Variants in GRIK5 observed in about 807,000 individuals in gnomAD.
The protein encoded by GRIK5 is glutamate receptor ionotropic, kainate 5.
In GRIK5, 43 loss-of-function variants were observed where a neutral mutation model predicts 97.4. The observed-to-expected ratio is 0.44, with a 90% CI of 0.35 to 0.57. GRIK5 has a LOEUF of 0.57. Among genes scored for constraint, GRIK5 ranks in the 20% least tolerant of loss-of-function variants. The probability of loss-of-function intolerance (pLI) is 0.01; values close to 1 mark genes in which losing one functional copy is unlikely to be tolerated. For missense variants in GRIK5, 1,015 were observed against 1,382.0 expected, an observed-to-expected ratio of 0.73 and a Z score of 4.21; for synonymous variants, 580 against 583.5, an observed-to-expected ratio of 0.99 and a Z score of 0.09.
chr19:42,016,301 A>G (rs1213350458), intron 15 of GRIK5, among the ~76,000 whole-genome samples: 2 of 152,102 alleles, frequency 1.3e-5, no homozygotes, highest in African/African-American at 4.8e-5. Context: ...GGCACCTGTA[A>G]TCCCAGCTAC....
chr19:42,028,624 C>A (rs964950015), intron 12 of GRIK5, among the ~76,000 whole-genome samples: 6 of 152,270 alleles, frequency 3.9e-5, no homozygotes, highest in Admixed American at 3.9e-4. Context: ...CACCTCTCCC[C>A]AGGGTCTGAC....
At position 42,002,619 on chromosome 19, in the gene GRIK5, G is replaced by A. The variant is rs535750788; in HGVS notation, c.2514+713C>T. ...AAGGGCTGGAGGCTGACAGAGAGAGGGGAAGCAGGGAACCAGCAGTCCAGG... is the reference window on the plus strand; with the variant it reads ...AAGGGCTGGAGGCTGACAGAGAGAGAGGAAGCAGGGAACCAGCAGTCCAGG... On this transcript the variant is annotated intron_variant, in intron 19 of 19. Transcript: ENST00000593562. This position sits in a 1 kb window ranked among gnomAD's most constrained non-coding sequence, Gnocchi z 5.2. The A allele has an allele frequency of 9.6e-6, 6 of 626,766 alleles. No individual in the cohort carries two copies. Among genetic ancestry groups the A allele is most frequent in the Admixed American group, 2.8e-5 (1 of 36,032 alleles). The allele number at this position is 626,766 out of a possible 1,614,324, so 38.8% of individuals were successfully genotyped here.
rs558657790 is a variant in GRIK5 at position 42,005,626 on chromosome 19, G to T, written c.2263+97C>A. 1.5e-5 allele frequency: 12 copies of T among 791,038 alleles called. No individual in the cohort carries two copies. The African/African-American group carries it at 1.7e-4, about 11-fold the overall frequency. 49.0% of individuals were successfully genotyped at this position (791,038 alleles called of 1,614,324 possible). A position where few individuals can be genotyped will look rare whatever the true frequency, so the allele number is the denominator to read the frequency against. On this transcript the variant is annotated intron_variant, in intron 17 of 19. Transcript: ENST00000593562. The stretch of plus-strand genomic sequence containing the variant: ...CAGGAGGCCACATGCAACACACCCA[G>T]CCTGCCTCGGGGGTGCCTGGCCCGG...
At chr19:42,067,344 T>A (rs1335514779) in intron 1 of GRIK5, among the ~76,000 whole-genome samples, 1 of 152,204 alleles carries the variant, frequency 6.6e-6, no homozygotes, top group Non-Finnish European at 1.5e-5. Flanking sequence ...CCTGACTCAC[T>A]GCGTGATCTT....
chr19:42,065,551 TG>T lies in GRIK5; in HGVS notation c.79+140del. ...GCTAGGGGTCTGGACTCCTGGGTCCTGGGGGAAGGAGGAACTGGAGGCTGGG... is the reference window on the plus strand; with the variant it reads ...GCTAGGGGTCTGGACTCCTGGGTCCTGGGGAAGGAGGAACTGGAGGCTGGG... On this transcript the variant is annotated intron_variant, in intron 2 of 19. Transcript: ENST00000593562. The surrounding 1 kb of genome is among the most constrained non-coding windows in gnomAD (Gnocchi z 5.8). 2.0e-6 allele frequency: 2 copies of T among 981,962 alleles called. No homozygotes were observed. The highest frequency in any genetic ancestry group is 6.1e-4 in the Middle Eastern group (2 of 3,258). The allele number at this position is 981,962 out of a possible 1,614,324, so 60.8% of individuals were successfully genotyped here.
chr19:42,062,187 A>G lies in GRIK5; in HGVS notation c.508+301T>C, dbSNP rs991220018. On this transcript the variant is annotated intron_variant, in intron 5 of 19. Coordinates refer to ENST00000593562, the MANE Select transcript of GRIK5 (RefSeq NM_002088.5). The surrounding 1 kb of genome is among the most constrained non-coding windows in gnomAD (Gnocchi z 5.3). ...ATACCACTCTGTATCACAACAGCTCAATGACCAATGACCTCCACTAGAACC... is the reference window on the plus strand; with the variant it reads ...ATACCACTCTGTATCACAACAGCTCGATGACCAATGACCTCCACTAGAACC... Among the ~76,000 whole-genome samples, 2 of 152,160 alleles carry G rather than the reference A, an allele frequency of 1.3e-5. No individual in the cohort carries two copies. The highest frequency in any genetic ancestry group is 4.8e-5 in the African/African-American group (2 of 41,438).
rs1054424538 is a variant in GRIK5, at chr19:42,022,388, G to A, written c.1474-34C>T. 1 of 1,575,392 alleles carries A rather than the reference G, an allele frequency of 6.3e-7. No individual in the cohort carries two copies. The highest frequency in any genetic ancestry group is 1.3e-5 in the African/African-American group (1 of 74,260). On this transcript the variant is annotated intron_variant, in intron 12 of 19. Coordinates refer to ENST00000593562, the MANE Select transcript of GRIK5 (RefSeq NM_002088.5). This position sits in a 1 kb window ranked among gnomAD's most constrained non-coding sequence, Gnocchi z 4.2. ...GGGGAAGCCGGGCAGGGGTGGAGGG[G>A]GACAGAGGGGAAGACAGAAGTGGAC...
intron 11 of GRIK5, among the ~76,000 whole-genome samples, chr19:42,045,575 T>A (rs1358771779): frequency 1.3e-5 from 2 of 152,124 alleles, no homozygotes; most frequent in African/African-American, 4.8e-5. Flanking sequence ...AATCTCCTAC[T>A]ATGTGGCCAG....
chr19:42,022,045 A>G lies in GRIK5; in HGVS notation c.1599T>C (p.Pro533=), dbSNP rs1483642567. The stretch of plus-strand genomic sequence containing the variant: ...AGGGGTCCAGGAAGGAGAAGTAGCC[A>G]GGCTTGCGGCCCTGTGGGGAGAGGG... ...ILYRVHMGRK[P]GYFSFLDPFS... is the part of the protein sequence containing the mutation. The change falls in exon 14 of 20, where the codon CCT becomes CCC. Residue 533 remains proline, a synonymous_variant. Coordinates refer to ENST00000593562, the MANE Select transcript of GRIK5 (RefSeq NM_002088.5). This position sits in a 1 kb window ranked among gnomAD's most constrained non-coding sequence, Gnocchi z 4.2. 4 of 1,612,460 alleles carry G rather than the reference A, an allele frequency of 2.5e-6. No homozygotes were observed. The highest frequency in any genetic ancestry group is 2.5e-6 in the Non-Finnish European group (3 of 1,178,856).
Position 42,042,816 on chromosome 19 carries a change from C to T in GRIK5, c.1270-61G>A, listed in dbSNP as rs1345671129. On this transcript the variant is annotated intron_variant, in intron 11 of 19. Transcript: ENST00000593562. This position sits in a 1 kb window ranked among gnomAD's most constrained non-coding sequence, Gnocchi z 6.9. ...GGTGTCTAGTGGCTGGGTTGCGGAT[C>T]CTGGAGCCCGGACCAGGCAGGTAGA... is the stretch of plus-strand genomic sequence containing the variant. The T allele has an allele frequency of 5.2e-6, 7 of 1,352,840 alleles. No homozygotes were observed. Among genetic ancestry groups the T allele is most frequent in the African/African-American group, 1.4e-5 (1 of 69,994 alleles). The allele number at this position is 1,352,840 out of a possible 1,614,324, so 83.8% of individuals were successfully genotyped here.
At position 42,053,944 on chromosome 19, in the gene GRIK5, A is replaced by T. The variant is rs1054031173; in HGVS notation, c.1057-15T>A. 3 of 1,577,260 alleles carry T rather than the reference A, an allele frequency of 1.9e-6. No individual in the cohort carries two copies. The African/African-American group carries it at 4.0e-5, about 21-fold the overall frequency. On this transcript the variant is annotated splice_polypyrimidine_tract_variant and intron_variant, in intron 9 of 19. Transcript: ENST00000593562. ...TCATACTCTACCTGGCAGGGTGGGGAGGTGGGGCAGAGGGAGAGTGCAGGG... is the reference window on the plus strand; with the variant it reads ...TCATACTCTACCTGGCAGGGTGGGGTGGTGGGGCAGAGGGAGAGTGCAGGG...
In GRIK5 at chr19:42,003,626, C is replaced by T. The variant is rs782676116; in HGVS notation, c.2321G>A (p.Arg774Gln). ...LAILQLQENN[R>Q]LEILKRKWWE... ...CCACTTGCGCTTCAGGATCTCCAGC[C>T]GGTTGTTCTCCTGAAGCTGCAGGAT... is the stretch of plus-strand genomic sequence containing the variant. The change falls in exon 18 of 20, where the codon CGG (arginine) becomes CAG (glutamine). Residue 774 changes from arginine to glutamine, a missense_variant. By Grantham distance (43) the Arg-to-Gln change is conservative. Transcript: ENST00000593562. This position sits in a 1 kb window ranked among gnomAD's most constrained non-coding sequence, Gnocchi z 4.2. 19 of 1,613,634 alleles carry T rather than the reference C, an allele frequency of 1.2e-5. No individual in the cohort carries two copies. The South Asian group carries it at 1.9e-4, about 16-fold the overall frequency.
rs1350107832 is a variant in GRIK5, at chr19:41,998,454, GGAAGA to G, written c.*412_*416del. 6.6e-6 allele frequency: 1 copy of G among 152,650 alleles called. No homozygotes were observed. Among genetic ancestry groups the G allele is most frequent in the Non-Finnish European group, 1.5e-5 (1 of 68,124 alleles). 9.5% of individuals were successfully genotyped at this position (152,650 alleles called of 1,614,324 possible). On this transcript the variant is annotated 3_prime_UTR_variant, in exon 20 of 20. Coordinates refer to ENST00000593562, the MANE Select transcript of GRIK5 (RefSeq NM_002088.5). ...GAGGTTTCTCCCCCCAAAAAAGAGA[GGAAGA>G]GAAGAGTGGAGGGGCACCAGGGGAC...
intron 1 of GRIK5, chr19:42,068,499 G>A (rs1430286445): frequency 7.9e-6 from 3 of 377,688 alleles, no homozygotes; most frequent in East Asian, 7.6e-5. Flanking sequence ...AGGGACTGAG[G>A]AGCCGGGCAC....
At chr19:42,058,927 C>G (rs1290041521) in intron 6 of GRIK5, among the ~76,000 whole-genome samples, 3 of 152,114 alleles carry the variant, frequency 2.0e-5, no homozygotes, top group Non-Finnish European at 4.4e-5. Flanking sequence ...TACGATGTAG[C>G]CAGATCTGAC....
chr19:42,021,249 T>G lies in GRIK5; in HGVS notation c.1871+52A>C. The G allele has an allele frequency of 6.7e-7, 1 of 1,489,724 alleles. No individual in the cohort carries two copies. The highest frequency in any genetic ancestry group is 9.2e-7 in the Non-Finnish European group (1 of 1,089,004). 92.3% of individuals were successfully genotyped at this position (1,489,724 alleles called of 1,614,324 possible). A position where few individuals can be genotyped will look rare whatever the true frequency, so the allele number is the denominator to read the frequency against. On this transcript the variant is annotated intron_variant, in intron 15 of 19. Coordinates refer to ENST00000593562, the MANE Select transcript of GRIK5 (RefSeq NM_002088.5). The surrounding 1 kb of genome is among the most constrained non-coding windows in gnomAD (Gnocchi z 4.2). ...CCACAGCCCCAACCCCATCCAGGCCTCAGATGGGTCCCTCCCTCGCCCCGG... is the reference window on the plus strand; with the variant it reads ...CCACAGCCCCAACCCCATCCAGGCCGCAGATGGGTCCCTCCCTCGCCCCGG...
At chr19:42,027,292 G>C (rs1650987080) in intron 12 of GRIK5, among the ~76,000 whole-genome samples, 1 of 152,178 alleles carries the variant, frequency 6.6e-6, no homozygotes, top group African/African-American at 2.4e-5. Context: ...ACTGTTGCAA[G>C]GGGGGTCTTA....
Position 41,998,799 on chromosome 19 carries a change from G to A in GRIK5, c.*72C>T, listed in dbSNP as rs1268196378. 3 of 772,554 alleles carry A rather than the reference G, an allele frequency of 3.9e-6. No homozygotes were observed. The highest frequency in any genetic ancestry group is 3.2e-6 in the Non-Finnish European group (2 of 616,464). The allele number at this position is 772,554 out of a possible 1,614,324, so 47.9% of individuals were successfully genotyped here. The stretch of plus-strand genomic sequence containing the variant: ...CCTGTCCCGCGCCCGCTGCGGGAGC[G>A]GAGACTGCTGGGGCCTGGGGCGGGC... On this transcript the variant is annotated 3_prime_UTR_variant, in exon 20 of 20. Coordinates refer to ENST00000593562, the MANE Select transcript of GRIK5 (RefSeq NM_002088.5).
intron 12 of GRIK5, among the ~76,000 whole-genome samples, chr19:42,034,859 G>C (rs528689684): frequency 2.3e-5 from 3 of 130,712 alleles, no homozygotes; most frequent in African/African-American, 2.8e-5. Context: ...CAGTTGGGGC[G>C]GGGGGCGGGA....
Sources: gnomAD v4.1 joint callset for allele counts (sites outside exome capture counted in the v4.1 genomes callset) on GRCh38, gnomAD v4.1.1 for gene constraint, Gnocchi (gnomAD v3.1) non-coding constraint, MANE v1.5 for transcripts, NCBI Gene and HGNC (gene_info 2026-07-23, HGNC 2026-07-21) for gene names.